RGS19: variants seen among roughly 807,000 people sequenced by gnomAD.
RGS19 encodes G alpha interacting protein.
A neutral mutation model predicts 22.0 loss-of-function variants in RGS19; 9 were observed. That is an observed-to-expected ratio of 0.41 (90% confidence interval 0.25 to 0.71). The LOEUF (loss-of-function observed/expected upper bound fraction) is 0.71, where lower values mean the gene tolerates loss of function less well. Ranked by LOEUF, RGS19 falls within the 30% of genes least tolerant of loss-of-function variation. The pLI is 0.32. For missense variants in RGS19, 256 were observed against 307.1 expected (o/e 0.83, Z 1.24); for synonymous variants, 130 against 127.3 (o/e 1.02, Z -0.14).
At chr20:64,074,790 G>A (rs1440954215) in intron 3 of RGS19, among the ~76,000 whole-genome samples, 1 of 152,218 alleles carries the variant, frequency 6.6e-6, no homozygotes, top group African/African-American at 2.4e-5. Flanking sequence ...CTGCCACAGT[G>A]CCCAGACCAC....
In RGS19 at chr20:64,073,646, GGCCCGCCCTGCACCT is replaced by G. The variant is rs1276340945; in HGVS notation, c.*192_*206del. The G allele has an allele frequency of 1.1e-5, 6 of 543,888 alleles. No homozygotes were observed. Among genetic ancestry groups the G allele is most frequent in the Non-Finnish European group, 2.0e-5 (6 of 307,442 alleles). The allele number at this position is 543,888 out of a possible 1,614,324, so 33.7% of individuals were successfully genotyped here. On this transcript the variant is annotated 3_prime_UTR_variant, in exon 6 of 6. Transcript: ENST00000395042. ...GCTTCTGGCCCGCCCTGCACCTGGA[GGCCCGCCCTGCACCT>G]GGAGTTCCTGCTTGGCCACGGGTGG...
intron 4 of RGS19, 29 bp downstream of exon 4, chr20:64,074,438 G>C (rs747482578): frequency 1.3e-6 from 2 of 1,576,880 alleles, no homozygotes; most frequent in Non-Finnish European, 1.7e-6. Flanking sequence ...GGCCCCCCCA[G>C]CACGCACACA....
At chr20:64,078,068 G>A (rs1339356081) in intron 1 of RGS19, among the ~76,000 whole-genome samples, 1 of 152,294 alleles carries the variant, frequency 6.6e-6, no homozygotes, top group East Asian at 1.9e-4. Context: ...CCCCTAGCTC[G>A]TGGCCTTTGA....
In RGS19 at chr20:64,073,982, G is replaced by T. The variant is rs776833769; in HGVS notation, c.525C>A (p.His175Gln). ...INKKMQEPSAHTFDDAQLQIY... is the reference protein window; with the variant it reads ...INKKMQEPSAQTFDDAQLQIY... ...TCTGCAGCTGCGCGTCGTCGAACGT[G>T]TGTGCGGACGGCTCCTGCATCTTCT... The change falls in exon 6 of 6, where the codon CAC becomes CAA. Residue 175 changes from histidine (H) to glutamine (Q), a missense_variant. His to Gln is a conservative substitution (Grantham distance 24, BLOSUM62 0). Transcript: ENST00000395042. 2 of 1,561,624 alleles carry T rather than the reference G, an allele frequency of 1.3e-6. No individual in the cohort carries two copies. The highest frequency in any genetic ancestry group is 2.4e-5 in the South Asian group (2 of 84,276).
In RGS19 at chr20:64,075,766, T is replaced by C. The variant is rs1361103943; in HGVS notation, c.152+759A>G. ...TGCTCTTCTTCCCCCACGCATGCTG[T>C]CCGGGAAGCTCTTGGCCATCGCCCC... On this transcript the variant is annotated intron_variant, in intron 3 of 5. Coordinates refer to ENST00000395042, the MANE Select transcript of RGS19 (RefSeq NM_005873.3). This position sits in a 1 kb window ranked among gnomAD's most constrained non-coding sequence, Gnocchi z 4.6. Among the ~76,000 whole-genome samples the C allele has an allele frequency of 6.6e-6, 1 of 152,098 alleles. No homozygotes were observed. Among genetic ancestry groups the C allele is most frequent in the Admixed American group, 6.5e-5 (1 of 15,284 alleles).
chr20:64,076,397 G>A (rs1175533055), intron 3 of RGS19, 128 bp downstream of exon 3: 1 of 1,422,340 alleles, frequency 7.0e-7, no homozygotes, highest in Non-Finnish European at 9.5e-7. Flanking sequence ...ACAGGACAGT[G>A]CTGTGAGGTG....
At chr20:64,077,322 C>A (rs2059913407) in intron 1 of RGS19, among the ~76,000 whole-genome samples, 1 of 152,142 alleles carries the variant, frequency 6.6e-6, no homozygotes, top group African/African-American at 2.4e-5. Flanking sequence ...CTGGGGCTAC[C>A]AACTGGTGCG....
At chr20:64,074,429 G>A (rs757529175) in intron 4 of RGS19, 38 bp downstream of exon 4, 1 of 1,572,634 alleles carries the variant, frequency 6.4e-7, no homozygotes, top group East Asian at 2.3e-5. Flanking sequence ...CCGGTCTGGG[G>A]CCCCCCCAGC....
chr20:64,076,666 C>T lies in RGS19; in HGVS notation c.31-20G>A. On this transcript the variant is annotated intron_variant, in intron 2 of 5. Coordinates refer to ENST00000395042, the MANE Select transcript of RGS19 (RefSeq NM_005873.3). Reference sequence around the variant, plus strand: ...TGTGATCTGGGGAAAAGTGGGGCTACCTCAGCTTTCAGGTCAGAACCCACC... The same window carrying T: ...TGTGATCTGGGGAAAAGTGGGGCTATCTCAGCTTTCAGGTCAGAACCCACC... 3.8e-6 allele frequency: 6 copies of T among 1,588,600 alleles called. No homozygotes were observed. The highest frequency in any genetic ancestry group is 5.1e-6 in the Non-Finnish European group (6 of 1,166,418).
intron 1 of RGS19, among the ~76,000 whole-genome samples, chr20:64,078,872 A>G (rs2059932816): frequency 6.6e-6 from 1 of 152,164 alleles, no homozygotes; most frequent in African/African-American, 2.4e-5. Flanking sequence ...GATAGGCGGC[A>G]CGTCTGCTCT....
intron 2 of RGS19, 45 bp downstream of exon 2, chr20:64,076,812 C>T: frequency 6.3e-7 from 1 of 1,574,990 alleles, no homozygotes; most frequent in Non-Finnish European, 8.6e-7. Context: ...CTTGCCCCAC[C>T]CCATCTCCCC....
Position 64,076,633 on chromosome 20 carries a change from T to A in RGS19, c.44A>T (p.Glu15Val), listed in dbSNP as rs2059907968. 1 of 1,603,712 alleles carries A rather than the reference T, an allele frequency of 6.2e-7. No homozygotes were observed. Among genetic ancestry groups the A allele is most frequent in the South Asian group, 1.1e-5 (1 of 90,100 alleles). Residue 15 changes from glutamate (E) to valine (V), a missense_variant, in exon 3 of 6, where the codon GAG becomes GTG. By Grantham distance (121) the Glu-to-Val change is moderately radical (BLOSUM62 -2). Coordinates refer to ENST00000395042, the MANE Select transcript of RGS19 (RefSeq NM_005873.3). ...CATTGAAGGGGGCCGGTCCGCCTCC[T>A]CTGGCCCTGTGATCTGGGGAAAAGT... Reference protein sequence around the residue: ...HEAEKQITGPEEADRPPSMSS... With the variant: ...HEAEKQITGPVEADRPPSMSS...
intron 1 of RGS19, 60 bp from the exon 2 acceptor site, chr20:64,077,014 T>TCCTAAGGGG: frequency 9.0e-6 from 8 of 884,762 alleles, no homozygotes; most frequent in Non-Finnish European, 1.3e-5. Flanking sequence ...TGCCTACCCC[T>TCCTAAGGGG]TAGGAGGGGT....
chr20:64,076,831 C>T, intron 2 of RGS19, 26 bp downstream of exon 2: 4 of 1,573,906 alleles, frequency 2.5e-6, no homozygotes, highest in Non-Finnish European at 2.6e-6. Flanking sequence ...CCCAGGGGAG[C>T]AGAGGCAGAG....
rs1178121944 is a variant in RGS19, at chr20:64,079,479, C to A, written c.-254G>T. The A allele has an allele frequency of 6.6e-6, 1 of 151,748 alleles. No homozygotes were observed. Among genetic ancestry groups the A allele is most frequent in the East Asian group, 1.9e-4 (1 of 5,132 alleles). 9.4% of individuals were successfully genotyped at this position (151,748 alleles called of 1,614,324 possible). A position where few individuals can be genotyped will look rare whatever the true frequency, so the allele number is the denominator to read the frequency against. ...ATCGGCTGGGGCCGGGGGCGCAGCGCCTCCCCTACAGCTCGAAGGGCTGAG... is the reference window on the plus strand; with the variant it reads ...ATCGGCTGGGGCCGGGGGCGCAGCGACTCCCCTACAGCTCGAAGGGCTGAG... On this transcript the variant is annotated 5_prime_UTR_variant, in exon 1 of 6. Transcript: ENST00000395042. This position sits in a 1 kb window ranked among gnomAD's most constrained non-coding sequence, Gnocchi z 5.1.
intron 1 of RGS19, among the ~76,000 whole-genome samples, chr20:64,078,800 T>C (rs183805829): frequency 2.0e-5 from 3 of 152,170 alleles, no homozygotes; most frequent in East Asian, 1.9e-4. Context: ...CAACCTGGCA[T>C]TGGGGACCCC....
At chr20:64,076,224 G>C (rs574973075) in intron 3 of RGS19, among the ~76,000 whole-genome samples, 1 of 152,350 alleles carries the variant, frequency 6.6e-6, no homozygotes, top group South Asian at 2.1e-4. Flanking sequence ...GCCTAGCCTG[G>C]GCTGGCTCAC....
At chr20:64,076,070 A>T (rs1231186638) in intron 3 of RGS19, among the ~76,000 whole-genome samples, 2 of 152,048 alleles carry the variant, frequency 1.3e-5, no homozygotes, top group Admixed American at 6.5e-5. Context: ...TAGTAGAGAC[A>T]GGGTTTCTGC....
chr20:64,074,849 C>T (rs1454730376), intron 3 of RGS19, among the ~76,000 whole-genome samples: 3 of 152,248 alleles, frequency 2.0e-5, no homozygotes, highest in Non-Finnish European at 2.9e-5. Context: ...GCCCGCGAGT[C>T]TCTGGCCTTC....
Sources: allele counts gnomAD v4.1 joint callset (sites outside exome capture counted in the v4.1 genomes callset), GRCh38; gene constraint gnomAD v4.1.1; non-coding constraint Gnocchi (gnomAD v3.1); transcripts MANE v1.5; gene names NCBI Gene and HGNC (gene_info 2026-07-23, HGNC 2026-07-21).